The following TGM3 variants were observed in gnomAD, a reference collection of about 807,000 sequenced individuals.
TGM3 encodes protein-glutamine gamma-glutamyltransferase E.
A neutral mutation model predicts 73.8 loss-of-function variants in TGM3; 52 were observed. The ratio of observed to expected loss-of-function variants is 0.70; its 90% CI spans 0.56 to 0.89. The LOEUF is 0.89. Among genes scored for constraint, TGM3 ranks in the 40% least tolerant of loss-of-function variants. The pLI, the probability that TGM3 is intolerant of heterozygous loss-of-function variation, is 0.00. For missense variants in TGM3, 928 were observed against 909.9 expected, an observed-to-expected ratio of 1.02 and a Z score of -0.26; for synonymous variants, 372 against 354.9, an observed-to-expected ratio of 1.05 and a Z score of -0.54.
chr20:2,323,377 T>C (rs1312924689), intron 7 of TGM3, among the ~76,000 whole-genome samples: 2 of 152,248 alleles, frequency 1.3e-5, no homozygotes, highest in African/African-American at 4.8e-5. Context: ...AAGTACTAGA[T>C]TGATTTTGCT....
chr20:2,327,784 C>T (rs6106524), intron 8 of TGM3, among the ~76,000 whole-genome samples: 43,365 of 152,032 alleles, frequency 0.29, 6,730 homozygotes, highest in African/African-American at 0.41. Context: ...GCCAGAATGA[C>T]TTGCAGAGGT....
intron 7 of TGM3, among the ~76,000 whole-genome samples, chr20:2,319,781 G>T (rs2084253510): frequency 6.6e-6 from 1 of 152,210 alleles, no homozygotes; most frequent in South Asian, 2.1e-4. Flanking sequence ...TACAGCTGAT[G>T]GTTGGGGGAG....
At chr20:2,301,991 G>A (rs540927932) in intron 1 of TGM3, among the ~76,000 whole-genome samples, 7 of 152,256 alleles carry the variant, frequency 4.6e-5, no homozygotes, top group East Asian at 3.9e-4. Flanking sequence ...GTGAGCCACC[G>A]TGCCCAGCCA....
At chr20:2,339,774 C>A in intron 11 of TGM3, 80 bp from the exon 12 acceptor site, 1 of 1,587,886 alleles carries the variant, frequency 6.3e-7, no homozygotes, top group South Asian at 1.1e-5. Context: ...TTCACTCAGT[C>A]ACCCTGCCCA....
At position 2,312,540 on chromosome 20, in the gene TGM3, G is replaced by A. The variant is rs567110940; in HGVS notation, c.541-358G>A. ...TCTTGAGGTTTGTGGCAGCCGGGGCGTCGGCTAGACCAAGCCACCTCCCAT... is the reference window on the plus strand; with the variant it reads ...TCTTGAGGTTTGTGGCAGCCGGGGCATCGGCTAGACCAAGCCACCTCCCAT... On this transcript the variant is annotated intron_variant, in intron 4 of 12. Coordinates refer to ENST00000381458, the MANE Select transcript of TGM3 (RefSeq NM_003245.4). Among the ~76,000 whole-genome samples, 134 of 152,242 alleles carry A rather than the reference G, an allele frequency of 8.8e-4. 1 individual carries two copies. Among genetic ancestry groups the A allele is most frequent in the Non-Finnish European group, 1.6e-3 (110 of 68,012 alleles).
At chr20:2,307,365 C>G (rs1371614010) in intron 1 of TGM3, among the ~76,000 whole-genome samples, 1 of 152,096 alleles carries the variant, frequency 6.6e-6, no homozygotes, top group Non-Finnish European at 1.5e-5. Context: ...CCACTCTCTC[C>G]TGTCTCACCT....
At chr20:2,335,941 C>G (rs1262235898) in intron 11 of TGM3, among the ~76,000 whole-genome samples, 1 of 152,252 alleles carries the variant, frequency 6.6e-6, no homozygotes, top group Non-Finnish European at 1.5e-5. Context: ...GCCTCAGAAC[C>G]TGGGACTCCC....
Position 2,309,717 on chromosome 20 carries a change from A to T in TGM3, c.68A>T (p.Asp23Val). ...TAFNRQAHHT[D>V]KFSSQELILR... ...TTCAACCGACAAGCGCATCACACAG[A>T]CAAGTTCTCCAGCCAGGAGCTCATC... Residue 23 changes from aspartate (D) to valine (V), a missense_variant, in exon 2 of 13, where the codon GAC (aspartate) becomes GTC (valine). By Grantham distance (152) the Asp-to-Val change is radical (BLOSUM62 -3). Transcript: ENST00000381458. 6.2e-7 allele frequency: 1 copy of T among 1,614,164 alleles called. No homozygotes were observed. The highest frequency in any genetic ancestry group is 2.2e-5 in the East Asian group (1 of 44,880).
In TGM3 at chr20:2,340,673, G is replaced by A; in HGVS notation, c.*92G>A. 6.5e-7 allele frequency: 1 copy of A among 1,542,192 alleles called. No homozygotes were observed. The highest frequency in any genetic ancestry group is 1.4e-5 in the African/African-American group (1 of 73,228). On this transcript the variant is annotated 3_prime_UTR_variant, in exon 13 of 13. Transcript: ENST00000381458. The stretch of plus-strand genomic sequence containing the variant: ...ACCCCCCGCCCATGCTGTCCGGCCT[G>A]GGAAACCCTCTCCATCTCCCAAGGC...
chr20:2,326,846 C>G (rs2084290756), intron 8 of TGM3, among the ~76,000 whole-genome samples: 1 of 141,298 alleles, frequency 7.1e-6, no homozygotes, highest in African/African-American at 3.0e-5. Flanking sequence ...AAGACTCCGT[C>G]TAAAAAAAAA....
rs372903893 is a variant in TGM3 at position 2,312,142 on chromosome 20, G to A, written c.541-756G>A. On this transcript the variant is annotated intron_variant, in intron 4 of 12. Coordinates refer to ENST00000381458, the MANE Select transcript of TGM3 (RefSeq NM_003245.4). The stretch of plus-strand genomic sequence containing the variant: ...AGGCCAGGTGCAGTGGCTCACGCCT[G>A]TAATCCCAGCACTTTGGGAGGCTGA... Among the ~76,000 whole-genome samples the A allele has an allele frequency of 1.3e-4, 20 of 152,278 alleles. No individual in the cohort carries two copies. The South Asian group carries it at 3.9e-3, about 30-fold the overall frequency.
chr20:2,315,572 T>C (rs2084229025), intron 5 of TGM3, among the ~76,000 whole-genome samples: 1 of 152,202 alleles, frequency 6.6e-6, no homozygotes, highest in Non-Finnish European at 1.5e-5. Flanking sequence ...CTCATAGGCC[T>C]TGCCACTTAC....
At chr20:2,327,988 A>G in intron 8 of TGM3, 132 bp from the exon 9 acceptor site, 1 of 1,300,296 alleles carries the variant, frequency 7.7e-7, no homozygotes, top group Non-Finnish European at 1.1e-6. Context: ...AGTGGGACAC[A>G]CAGTCAGGGG....
chr20:2,338,880 G>T (rs992987680), intron 11 of TGM3, among the ~76,000 whole-genome samples: 9 of 152,248 alleles, frequency 5.9e-5, no homozygotes, highest in Non-Finnish European at 1.3e-4. Flanking sequence ...TACCAGATGA[G>T]GAAGTTGAGG....
chr20:2,315,065 G>A (rs214811), intron 5 of TGM3, among the ~76,000 whole-genome samples: 101,251 of 152,040 alleles, frequency 0.67, 37,783 homozygotes, highest in East Asian at 0.96. Context: ...GCCTGGAACA[G>A]AATCTTGAAA....
chr20:2,336,376 AT>A (rs2084351436), intron 11 of TGM3, among the ~76,000 whole-genome samples: 1 of 151,980 alleles, frequency 6.6e-6, no homozygotes, highest in South Asian at 2.1e-4. Flanking sequence ...GCCCTCTCTC[AT>A]CTGCTGTACC....
chr20:2,331,479 G>A (rs781431202), intron 9 of TGM3, among the ~76,000 whole-genome samples: 32 of 152,096 alleles, frequency 2.1e-4, no homozygotes, highest in Non-Finnish European at 4.3e-4. Context: ...TTGTCAACCG[G>A]CACAGATCAA....
Position 2,332,290 on chromosome 20 carries a change from T to G in TGM3, c.1622T>G (p.Met541Arg), listed in dbSNP as rs373609319. Residue 541 changes from methionine to arginine, a missense_variant, in exon 10 of 13, where the codon ATG becomes AGG. Transcript: ENST00000381458. The surrounding 1 kb of genome is among the most constrained non-coding windows in gnomAD (Gnocchi z 4.4). ...GAAGTGTGGAAGGACTCTGCCACAA[T>G]GTCCCTGGACCCTGAGGAAGGTAAC... is the stretch of plus-strand genomic sequence containing the variant. The part of the protein sequence containing the change: ...VHEVWKDSAT[M>R]SLDPEEEAEH... The G allele has an allele frequency of 6.2e-7, 1 of 1,607,122 alleles. No homozygotes were observed. The highest frequency in any genetic ancestry group is 1.1e-5 in the South Asian group (1 of 89,898).
chr20:2,308,391 A>T (rs1482391978), intron 1 of TGM3, among the ~76,000 whole-genome samples: 1 of 152,242 alleles, frequency 6.6e-6, no homozygotes, highest in South Asian at 2.1e-4. Context: ...TGGGTGATGT[A>T]ACCTCTTAAA....
Sources: allele counts gnomAD v4.1 joint callset (sites outside exome capture counted in the v4.1 genomes callset), GRCh38; gene constraint gnomAD v4.1.1; non-coding constraint Gnocchi (gnomAD v3.1); transcripts MANE v1.5; gene names NCBI Gene and HGNC (gene_info 2026-07-23, HGNC 2026-07-21).